Variants in CUL3 observed in about 807,000 individuals in gnomAD.
CUL3 encodes the protein cullin 3, also known as cullin-3.
CUL3 carries 19 observed loss-of-function variants against 89.1 expected under a neutral mutation model. The observed-to-expected ratio is 0.21, with a 90% CI of 0.15 to 0.31. The LOEUF (loss-of-function observed/expected upper bound fraction) is 0.31. Ranked by LOEUF, CUL3 falls within the 10% of genes least tolerant of loss-of-function variation. The pLI, the probability that CUL3 is intolerant of heterozygous loss-of-function variation, is 1.00. For synonymous variants in CUL3, 351 were observed against 308.4 expected (o/e 1.14, Z -1.45); for missense variants, 469 against 942.3 (o/e 0.50, Z 6.58).
chr2:224,564,163 G>C (rs1169517822), intron 1 of CUL3, among the ~76,000 whole-genome samples: 1 of 152,112 alleles, frequency 6.6e-6, no homozygotes, highest in African/African-American at 2.4e-5. Flanking sequence ...GCACACACCT[G>C]TAATCTCAGC....
At chr2:224,514,108 A>G (rs1430293907) in intron 4 of CUL3, among the ~76,000 whole-genome samples, 1 of 152,220 alleles carries the variant, frequency 6.6e-6, no homozygotes, top group Non-Finnish European at 1.5e-5. Context: ...ATAAGGAGAG[A>G]AAAAAAATCA....
intron 2 of CUL3, among the ~76,000 whole-genome samples, chr2:224,546,151 G>A (rs1366888317): frequency 6.6e-6 from 1 of 152,094 alleles, no homozygotes; most frequent in Non-Finnish European, 1.5e-5. Flanking sequence ...CAATGGTTAA[G>A]ATATACATTA....
At chr2:224,583,651 G>A (rs1034755781) in intron 1 of CUL3, among the ~76,000 whole-genome samples, 1 of 152,146 alleles carries the variant, frequency 6.6e-6, no homozygotes, top group African/African-American at 2.4e-5. Context: ...ACAAAGCAGA[G>A]GTTTTCGCAC....
At chr2:224,506,769 C>T in intron 7 of CUL3, 89 bp downstream of exon 7, 2 of 1,098,348 alleles carry the variant, frequency 1.8e-6, no homozygotes, top group Non-Finnish European at 2.6e-6. Flanking sequence ...GTTGAAAGTA[C>T]ACAATACACA....
At position 224,514,663 on chromosome 2, in the gene CUL3, T is replaced by G; in HGVS notation, c.488A>C (p.Gln163Pro). Residue 163 changes from glutamine to proline, a missense_variant, in exon 4 of 16, where the codon CAA (glutamine) becomes CCA (proline). By Grantham distance (76) the Gln-to-Pro change is moderately conservative (BLOSUM62 -1). Around this residue, in one of 4 missense-constraint regions of CUL3, gnomAD observed 370 missense variants for 733.2 expected, o/e 0.50. Coordinates refer to ENST00000264414, the MANE Select transcript of CUL3 (RefSeq NM_003590.5). ...TCTTGCAATCATATCCAATAGAGTT[T>G]GCCGTAGATGATCCCTAATACACCC... is the stretch of plus-strand genomic sequence containing the variant. Reference protein sequence around the residue: ...RYGCIRDHLRQTLLDMIARER... With the variant: ...RYGCIRDHLRPTLLDMIARER... 1 of 1,613,844 alleles carries G rather than the reference T, an allele frequency of 6.2e-7. No individual in the cohort carries two copies. Among genetic ancestry groups the G allele is most frequent in the Non-Finnish European group, 8.5e-7 (1 of 1,179,844 alleles).
chr2:224,578,857 TA>T (rs985646402), intron 1 of CUL3, among the ~76,000 whole-genome samples: 1 of 151,882 alleles, frequency 6.6e-6, no homozygotes, highest in African/African-American at 2.4e-5. Flanking sequence ...ATGTATAATA[TA>T]AAAAAAAGGC....
intron 3 of CUL3, among the ~76,000 whole-genome samples, chr2:224,526,817 C>CAA (rs75099076): frequency 2.0e-4 from 15 of 74,538 alleles, no homozygotes; most frequent in Admixed American, 2.9e-4. Context: ...ACTAAGTCTC[C>CAA]AAAAAAAAAA....
intron 2 of CUL3, among the ~76,000 whole-genome samples, chr2:224,551,179 A>C (rs182367422): frequency 1.9e-3 from 281 of 148,668 alleles, no homozygotes; most frequent in South Asian, 7.2e-3. Context: ...GACTGTGACT[A>C]CAGGTGTGTG....
At chr2:224,531,687 A>G (rs979740779) in intron 3 of CUL3, among the ~76,000 whole-genome samples, 1 of 152,194 alleles carries the variant, frequency 6.6e-6, no homozygotes, top group African/African-American at 2.4e-5. Context: ...GGTCAGGGAA[A>G]GCTTACCAGA....
rs1691110017 is a variant in CUL3, at chr2:224,470,941, T to C, written c.*3304A>G. Reference sequence around the variant, plus strand: ...CTAGGTCCAACTCCTGGCTCTGCCATTTCCTGCTAGCAACCTTGGACAACA... The same window carrying C: ...CTAGGTCCAACTCCTGGCTCTGCCACTTCCTGCTAGCAACCTTGGACAACA... On this transcript the variant is annotated 3_prime_UTR_variant, in exon 16 of 16. Coordinates refer to ENST00000264414, the MANE Select transcript of CUL3 (RefSeq NM_003590.5). 1 of 228,888 alleles carries C rather than the reference T, an allele frequency of 4.4e-6. No individual in the cohort carries two copies. Among genetic ancestry groups the C allele is most frequent in the South Asian group, 1.8e-4 (1 of 5,504 alleles). The allele number at this position is 228,888 out of a possible 1,614,324, so 14.2% of individuals were successfully genotyped here.
intron 13 of CUL3, among the ~76,000 whole-genome samples, chr2:224,494,676 T>C (rs561765548): frequency 6.6e-6 from 1 of 152,272 alleles, no homozygotes; most frequent in South Asian, 2.1e-4. Flanking sequence ...CAAATGATGC[T>C]GGAACAAACA....
chr2:224,509,763 G>GT (rs1574641937), intron 6 of CUL3, among the ~76,000 whole-genome samples: 1 of 152,186 alleles, frequency 6.6e-6, no homozygotes, highest in East Asian at 1.9e-4. Context: ...CCTAAGGTAG[G>GT]TAAGAAAGCA....
At chr2:224,476,169 A>T (rs1691312558) in intron 15 of CUL3, among the ~76,000 whole-genome samples, 5 of 151,906 alleles carry the variant, frequency 3.3e-5, no homozygotes, top group Admixed American at 3.3e-4. Flanking sequence ...GATTACAGGC[A>T]CCCACCACCA....
At chr2:224,580,870 G>A (rs1375912267) in intron 1 of CUL3, among the ~76,000 whole-genome samples, 1 of 115,030 alleles carries the variant, frequency 8.7e-6, no homozygotes, top group Non-Finnish European at 1.7e-5. Context: ...AATCTGAGAT[G>A]AGTGCTTGAG....
chr2:224,535,603 A>G lies in CUL3; in HGVS notation c.303T>C (p.Phe101=), dbSNP rs368676430. 5.0e-6 allele frequency: 8 copies of G among 1,613,324 alleles called. No homozygotes were observed. The African/African-American group carries it at 5.3e-5, about 11-fold the overall frequency. Residue 101 remains phenylalanine, a synonymous_variant, in exon 3 of 16, where the codon TTT becomes TTC. Transcript: ENST00000264414. ...EDVLNSLNNN[F]LQTLNQAWND... The stretch of plus-strand genomic sequence containing the variant: ...TCCAAGCTTGATTTAGCGTTTGAAG[A>G]AAGTTGTTATTCAATGAATTTAGTA...
intron 1 of CUL3, among the ~76,000 whole-genome samples, chr2:224,579,069 T>C (rs572392194): frequency 6.6e-6 from 1 of 152,318 alleles, no homozygotes; most frequent in African/African-American, 2.4e-5. Context: ...TCTAATTCAA[T>C]ATTGGTACTA....
intron 7 of CUL3, among the ~76,000 whole-genome samples, chr2:224,506,565 C>T (rs1419724988): frequency 6.6e-6 from 1 of 152,116 alleles, no homozygotes; most frequent in African/African-American, 2.4e-5. Flanking sequence ...CAATATACTA[C>T]AGTATACAAA....
At chr2:224,573,933 G>A (rs916997414) in intron 1 of CUL3, among the ~76,000 whole-genome samples, 1 of 152,050 alleles carries the variant, frequency 6.6e-6, no homozygotes, top group Non-Finnish European at 1.5e-5. Context: ...AATCTTACAA[G>A]GCAACCTCTA....
intron 1 of CUL3, among the ~76,000 whole-genome samples, chr2:224,571,333 T>C (rs1282042695): frequency 1.3e-5 from 2 of 152,188 alleles, no homozygotes. Context: ...CACTACTATT[T>C]ATACTATTTA....
Sources: allele counts gnomAD v4.1 joint callset (sites outside exome capture counted in the v4.1 genomes callset), GRCh38; gene constraint gnomAD v4.1.1; regional missense constraint gnomAD v4.1.1; transcripts MANE v1.5; gene names NCBI Gene and HGNC (gene_info 2026-07-23, HGNC 2026-07-21).